The following ACOXL variants were observed in gnomAD, a reference collection of about 807,000 sequenced individuals.
ACOXL encodes the protein acyl-coenzyme A oxidase-like protein.
ACOXL carries 70 observed loss-of-function variants against 71.9 expected under a neutral mutation model. The observed-to-expected ratio is 0.97, with a 90% CI of 0.80 to 1.19. ACOXL has a LOEUF of 1.19. Ranked by LOEUF, ACOXL falls within the 50% of genes most tolerant of loss-of-function variation. The pLI is 0.00. For synonymous variants in ACOXL, 253 were observed against 281.6 expected, an observed-to-expected ratio of 0.90 and a Z score of 1.02; for missense variants, 703 against 736.3, an observed-to-expected ratio of 0.95 and a Z score of 0.52.
intron 1 of ACOXL, among the ~76,000 whole-genome samples, chr2:110,745,943 G>T (rs1050749554): frequency 2.6e-5 from 4 of 152,178 alleles, no homozygotes; most frequent in African/African-American, 9.7e-5. Context: ...GGACTGGAGA[G>T]TCTCCTGTCA....
intron 1 of ACOXL, among the ~76,000 whole-genome samples, chr2:110,736,156 A>G (rs1356178341): frequency 1.3e-5 from 2 of 152,236 alleles, no homozygotes; most frequent in Non-Finnish European, 1.5e-5. Flanking sequence ...GAAGAGTCAA[A>G]TAATTTGGAC....
intron 11 of ACOXL, among the ~76,000 whole-genome samples, chr2:110,928,649 T>C (rs554045435): frequency 6.6e-6 from 1 of 152,362 alleles, no homozygotes. Context: ...GTGGTATTTC[T>C]CATGAATCTT....
chr2:110,950,259 A>G (rs2061277728), intron 12 of ACOXL, among the ~76,000 whole-genome samples: 1 of 152,106 alleles, frequency 6.6e-6, no homozygotes, highest in Non-Finnish European at 1.5e-5. Context: ...GAAAGTCCGT[A>G]TGTCATCTTT....
chr2:110,921,098 GGTTGTAACATTCCCTTTTCTTTTTA>G (rs539371176), intron 11 of ACOXL, among the ~76,000 whole-genome samples: 3 of 151,994 alleles, frequency 2.0e-5, no homozygotes, highest in African/African-American at 7.2e-5. Context: ...CGATAGTGTT[GGTTGTAACATTCCCTTTTCTTTTTA>G]ATGTCTGTGG....
chr2:110,771,693 C>T (rs181501215), intron 2 of ACOXL, among the ~76,000 whole-genome samples: 2 of 152,372 alleles, frequency 1.3e-5, no homozygotes, highest in African/African-American at 4.8e-5. Flanking sequence ...CACAGACACA[C>T]ACACAGTGTG....
chr2:110,955,842 T>C (rs2061479743), intron 12 of ACOXL, among the ~76,000 whole-genome samples: 1 of 152,032 alleles, frequency 6.6e-6, no homozygotes, highest in African/African-American at 2.4e-5. Flanking sequence ...AAACCTTCTC[T>C]GGCATCCGGG....
At chr2:110,991,317 T>A (rs2149572298) in intron 13 of ACOXL, among the ~76,000 whole-genome samples, 2 of 152,308 alleles carry the variant, frequency 1.3e-5, no homozygotes, top group Non-Finnish European at 2.9e-5. Flanking sequence ...TGTTGCTCAG[T>A]CTCATTCAGA....
At chr2:110,760,986 G>C (rs1327552934) in intron 1 of ACOXL, among the ~76,000 whole-genome samples, 1 of 152,154 alleles carries the variant, frequency 6.6e-6, no homozygotes, top group African/African-American at 2.4e-5. Flanking sequence ...TCAAGGAGAG[G>C]TGAAGCATAG....
At chr2:111,034,309 G>C (rs1168645876) in intron 15 of ACOXL, among the ~76,000 whole-genome samples, 1 of 152,134 alleles carries the variant, frequency 6.6e-6, no homozygotes, top group African/African-American at 2.4e-5. Context: ...CACTACTCTA[G>C]GAAAACCTTA....
At chr2:110,762,592 A>C (rs759219281) in intron 1 of ACOXL, among the ~76,000 whole-genome samples, 3 of 152,198 alleles carry the variant, frequency 2.0e-5, no homozygotes, top group Non-Finnish European at 4.4e-5. Context: ...CTTTGAGTGA[A>C]GTATAGAAAC....
intron 9 of ACOXL, among the ~76,000 whole-genome samples, chr2:110,837,341 G>A (rs549817139): frequency 2.0e-4 from 30 of 152,312 alleles, no homozygotes; most frequent in Admixed American, 1.7e-3. Flanking sequence ...GGTCAAGTGG[G>A]CATTTGGGAA....
chr2:110,926,663 T>C (rs2060280702), intron 11 of ACOXL, among the ~76,000 whole-genome samples: 2 of 152,176 alleles, frequency 1.3e-5, no homozygotes. Flanking sequence ...GCCCAATAAA[T>C]GTTAGTTGCT....
At chr2:111,065,566 GAGTCTGAAAAGACAAGCTAC>G (rs1462847632) in intron 16 of ACOXL, among the ~76,000 whole-genome samples, 1 of 152,166 alleles carries the variant, frequency 6.6e-6, no homozygotes, top group African/African-American at 2.4e-5. Flanking sequence ...ACTATGTTCA[GAGTCTGAAAAGACAAGCTAC>G]AGTCTGGGAT....
At chr2:111,041,677 C>A (rs2065792651) in intron 15 of ACOXL, among the ~76,000 whole-genome samples, 1 of 152,194 alleles carries the variant, frequency 6.6e-6, no homozygotes, top group Non-Finnish European at 1.5e-5. Flanking sequence ...TGAGCCAAGG[C>A]CATGTCAAAT....
At chr2:110,971,001 T>C (rs2062160467) in intron 12 of ACOXL, among the ~76,000 whole-genome samples, 1 of 152,146 alleles carries the variant, frequency 6.6e-6, no homozygotes, top group Admixed American at 6.5e-5. Flanking sequence ...TTTTATTCTA[T>C]GAAAGACCCT....
Position 111,118,068 on chromosome 2 carries a change from A to G in ACOXL, c.*252A>G. On this transcript the variant is annotated 3_prime_UTR_variant, in exon 18 of 18. Coordinates refer to ENST00000439055, the MANE Select transcript of ACOXL (RefSeq NM_001142807.4). Reference sequence around the variant, plus strand: ...CTGAAACCCAGCCTGGCCTGACTGCAACCTCTCCCAACTTCAGTGCCGGAT... The same window carrying G: ...CTGAAACCCAGCCTGGCCTGACTGCGACCTCTCCCAACTTCAGTGCCGGAT... 1 of 574,038 alleles carries G rather than the reference A, an allele frequency of 1.7e-6. No homozygotes were observed. The allele number at this position is 574,038 out of a possible 1,614,324, so 35.6% of individuals were successfully genotyped here.
intron 17 of ACOXL, chr2:111,093,524 C>CTCCA: frequency 2.5e-6 from 4 of 1,613,980 alleles, no homozygotes; most frequent in Non-Finnish European, 3.4e-6. Context: ...AAGACTCAGT[C>CTCCA]TCCACATGAA....
At chr2:110,895,555 G>A (rs532829033) in intron 10 of ACOXL, among the ~76,000 whole-genome samples, 11 of 152,048 alleles carry the variant, frequency 7.2e-5, no homozygotes, top group Admixed American at 3.3e-4. Flanking sequence ...CATATCTATC[G>A]ATGAAAGAAG....
At chr2:110,835,715 C>G (rs950755408) in intron 9 of ACOXL, among the ~76,000 whole-genome samples, 2 of 152,212 alleles carry the variant, frequency 1.3e-5, no homozygotes, top group Non-Finnish European at 2.9e-5. Flanking sequence ...CTAATAAAAG[C>G]TTTGTCAGTA....
Sources: gnomAD v4.1 joint callset for allele counts (sites outside exome capture counted in the v4.1 genomes callset) on GRCh38, gnomAD v4.1.1 for gene constraint, MANE v1.5 for transcripts, NCBI Gene and HGNC (gene_info 2026-07-23, HGNC 2026-07-21) for gene names.